PRKCH: variants seen among roughly 807,000 people sequenced by gnomAD.
The protein encoded by PRKCH is protein kinase C eta, also known as protein kinase C eta type.
PRKCH carries 28 observed loss-of-function variants against 82.5 expected under a neutral mutation model. That is an observed-to-expected ratio of 0.34 (90% CI 0.25 to 0.47). PRKCH has a LOEUF of 0.47. Ranked by LOEUF, PRKCH falls within the 20% of genes least tolerant of loss-of-function variation. PRKCH has a pLI of 1.00. For missense variants in PRKCH, 705 were observed against 881.8 expected (o/e 0.80, Z 2.54); for synonymous variants, 322 against 327.4 (o/e 0.98, Z 0.18).
chr14:61,355,344 A>G (rs898703396), intron 1 of PRKCH, among the ~76,000 whole-genome samples: 1 of 148,498 alleles, frequency 6.7e-6, no homozygotes, highest in Non-Finnish European at 1.5e-5. Context: ...TTTTCTTATT[A>G]TTAAAAATCC....
chr14:61,453,478 GC>G lies in PRKCH; in HGVS notation c.960+127del, dbSNP rs1566891103. 1.1e-5 allele frequency: 10 copies of G among 949,464 alleles called. No homozygotes were observed. The African/African-American group carries it at 2.1e-4, about 20-fold the overall frequency. The allele number at this position is 949,464 out of a possible 1,614,324, so 58.8% of individuals were successfully genotyped here. ...AGCAAATACAATAAACAGACTTATTGCCTTTCTTTCTTTCTTTCTCTTTCTT... is the reference window on the plus strand; with the variant it reads ...AGCAAATACAATAAACAGACTTATTGCTTTCTTTCTTTCTTTCTCTTTCTT... On this transcript the variant is annotated intron_variant, in intron 7 of 13. Coordinates refer to ENST00000332981, the MANE Select transcript of PRKCH (RefSeq NM_006255.5).
intron 1 of PRKCH, among the ~76,000 whole-genome samples, chr14:61,211,407 A>T (rs1234700854): frequency 1.3e-5 from 2 of 152,226 alleles, no homozygotes; most frequent in Non-Finnish European, 2.9e-5. Context: ...ATCCTTAGAA[A>T]GGCAGTTCCA....
chr14:61,322,579 C>T (rs2045642282), intron 1 of PRKCH, 115 bp downstream of exon 1: 1 of 1,422,858 alleles, frequency 7.0e-7, no homozygotes, highest in South Asian at 1.4e-5. Context: ...GGAATTCCCT[C>T]CAGACTTTGG....
chr14:61,499,282 C>CTT (rs1166896770), intron 10 of PRKCH, among the ~76,000 whole-genome samples: 1 of 152,188 alleles, frequency 6.6e-6, no homozygotes, highest in African/African-American at 2.4e-5. Flanking sequence ...TTTCTGTAAA[C>CTT]TTTGTAAGTA....
At chr14:61,423,766 C>T (rs1224171858) in intron 2 of PRKCH, among the ~76,000 whole-genome samples, 4 of 152,170 alleles carry the variant, frequency 2.6e-5, no homozygotes, top group Non-Finnish European at 5.9e-5. Flanking sequence ...GGATGTGTGG[C>T]ACATTCAGCA....
At chr14:61,427,138 G>C (rs1883147689) in intron 2 of PRKCH, among the ~76,000 whole-genome samples, 1 of 152,158 alleles carries the variant, frequency 6.6e-6, no homozygotes, top group Non-Finnish European at 1.5e-5. Flanking sequence ...TGGAAAGGCA[G>C]GACAACTTGA....
intron 10 of PRKCH, among the ~76,000 whole-genome samples, chr14:61,517,479 C>T (rs1226801488): frequency 6.6e-6 from 1 of 152,170 alleles, no homozygotes; most frequent in Non-Finnish European, 1.5e-5. Flanking sequence ...CAGGCTAAGA[C>T]GTCTGATTAC....
At chr14:61,339,308 C>T (rs2045899010) in intron 1 of PRKCH, among the ~76,000 whole-genome samples, 1 of 151,668 alleles carries the variant, frequency 6.6e-6, no homozygotes, top group South Asian at 2.1e-4. Flanking sequence ...CTCCTGACAC[C>T]TTCATTTAAT....
At chr14:61,300,718 T>C (rs144137668) in intron 1 of PRKCH, among the ~76,000 whole-genome samples, 399 of 152,254 alleles carry the variant, frequency 2.6e-3, no homozygotes, top group African/African-American at 9.2e-3. Context: ...AAAATCGAGC[T>C]GCAGACTGAT....
intron 3 of PRKCH, among the ~76,000 whole-genome samples, chr14:61,443,536 A>T (rs10151873): frequency 0.017 from 2,599 of 152,342 alleles, 81 homozygotes; most frequent in African/African-American, 0.06. Context: ...CATAAATCAG[A>T]GAAAAAGGCT....
intron 1 of PRKCH, among the ~76,000 whole-genome samples, chr14:61,273,174 A>G (rs548652186): frequency 4.1e-4 from 63 of 152,344 alleles, no homozygotes; most frequent in Admixed American, 1.0e-3. Context: ...AACATAATTC[A>G]TTCATAGCTA....
At chr14:61,290,198 A>G (rs2045348761) in intron 1 of PRKCH, among the ~76,000 whole-genome samples, 1 of 151,990 alleles carries the variant, frequency 6.6e-6, no homozygotes, top group African/African-American at 2.4e-5. Context: ...AGGCTGAGGC[A>G]GGAGAATTGC....
intron 1 of PRKCH, among the ~76,000 whole-genome samples, chr14:61,196,104 T>C (rs1419111842): frequency 6.6e-6 from 1 of 151,896 alleles, no homozygotes; most frequent in Non-Finnish European, 1.5e-5. Context: ...CAAAAGCCAA[T>C]GCATAAAGTC....
At chr14:61,345,281 T>C (rs2045977739) in intron 1 of PRKCH, among the ~76,000 whole-genome samples, 2 of 152,214 alleles carry the variant, frequency 1.3e-5, no homozygotes, top group African/African-American at 4.8e-5. Context: ...AGCCTCTTCA[T>C]GGTTATAAAC....
intron 1 of PRKCH, among the ~76,000 whole-genome samples, chr14:61,356,935 G>A (rs984654640): frequency 6.6e-6 from 1 of 152,198 alleles, no homozygotes; most frequent in Non-Finnish European, 1.5e-5. Context: ...GCCCGCCTCA[G>A]CCTCCCAAAG....
chr14:61,382,002 T>G (rs2046518542), intron 1 of PRKCH, among the ~76,000 whole-genome samples: 1 of 152,358 alleles, frequency 6.6e-6, no homozygotes, highest in Admixed American at 6.5e-5. Flanking sequence ...GTAACCTCAC[T>G]GAGCCTCCCT....
intron 10 of PRKCH, among the ~76,000 whole-genome samples, chr14:61,527,620 G>T (rs2042983852): frequency 1.3e-5 from 2 of 152,154 alleles, no homozygotes; most frequent in African/African-American, 4.8e-5. Context: ...CTCCCTTAAT[G>T]AGGGAGCATC....
At chr14:61,242,849 G>A (rs146111025) in intron 1 of PRKCH, among the ~76,000 whole-genome samples, 1 of 151,902 alleles carries the variant, frequency 6.6e-6, no homozygotes, top group Non-Finnish European at 1.5e-5. Flanking sequence ...AATTTGTTTT[G>A]TAATAAACAC....
At chr14:61,434,829 A>G (rs1883597117) in intron 2 of PRKCH, among the ~76,000 whole-genome samples, 1 of 152,158 alleles carries the variant, frequency 6.6e-6, no homozygotes, top group South Asian at 2.1e-4. Flanking sequence ...GAGACCAGCC[A>G]GGGCAACACA....
Sources: gnomAD v4.1 joint callset for allele counts (sites outside exome capture counted in the v4.1 genomes callset) on GRCh38, gnomAD v4.1.1 for gene constraint, MANE v1.5 for transcripts, NCBI Gene and HGNC (gene_info 2026-07-23, HGNC 2026-07-21) for gene names.